Variants in FAM227A observed in about 807,000 individuals in gnomAD.
FAM227A encodes the protein protein FAM227A.
FAM227A carries 80 observed loss-of-function variants against 74.7 expected under a neutral mutation model. The ratio of observed to expected loss-of-function variants is 1.07; its 90% CI spans 0.89 to 1.29. FAM227A has a LOEUF of 1.29. Among genes scored for constraint, FAM227A ranks in the 50% most tolerant of loss-of-function variants. The probability of loss-of-function intolerance (pLI) is 0.00; values close to 1 mark genes in which losing one functional copy is unlikely to be tolerated. For synonymous variants in FAM227A, 237 were observed against 241.8 expected (o/e 0.98, Z 0.19); for missense variants, 654 against 683.4 (o/e 0.96, Z 0.48).
intron 11 of FAM227A, among the ~76,000 whole-genome samples, chr22:38,611,195 T>A (rs921340651): frequency 1.1e-4 from 16 of 152,176 alleles, no homozygotes; most frequent in African/African-American, 3.9e-4. Flanking sequence ...CCCTGTCCCA[T>A]CCCAGCATAG....
At position 38,626,219 on chromosome 22, in the gene FAM227A, T is replaced by G. The variant is rs1569219751; in HGVS notation, c.811A>C (p.Lys271Gln). 1.3e-6 allele frequency: 2 copies of G among 1,551,612 alleles called. No individual in the cohort carries two copies. The highest frequency in any genetic ancestry group is 1.7e-6 in the Non-Finnish European group (2 of 1,146,964). Residue 271 changes from lysine to glutamine, a missense_variant, in exon 9 of 17, where the codon AAG becomes CAG. By Grantham distance (53) the Lys-to-Gln change is moderately conservative. Coordinates refer to ENST00000535113, the MANE Select transcript of FAM227A (RefSeq NM_001013647.2). ...CTCATTGTGTTACAGATGTCAGACT[T>G]GAATTCGTGCGTGTCGAACCAGGAC... ...PQSWFDTHEFKSDICNTMSLW... is the reference protein window; with the variant it reads ...PQSWFDTHEFQSDICNTMSLW...
rs941315094 is a variant in FAM227A, at chr22:38,578,256, G to A, written c.*7869C>T. ...CTAATGCGTTACGCTATGACATTAC[G>A]AAGGCTAAGAGTCGCTAGGTGATAG... On this transcript the variant is annotated 3_prime_UTR_variant, in exon 17 of 17. Transcript: ENST00000535113. The A allele has an allele frequency of 6.6e-6, 1 of 152,040 alleles. No individual in the cohort carries two copies. The highest frequency in any genetic ancestry group is 1.5e-5 in the Non-Finnish European group (1 of 68,032). 9.4% of individuals were successfully genotyped at this position (152,040 alleles called of 1,614,324 possible). A position where few individuals can be genotyped will look rare whatever the true frequency, so the allele number is the denominator to read the frequency against.
At chr22:38,588,418 A>G (rs1483821829) in intron 16 of FAM227A, among the ~76,000 whole-genome samples, 1 of 151,782 alleles carries the variant, frequency 6.6e-6, no homozygotes, top group African/African-American at 2.4e-5. Flanking sequence ...CAGGAGTTCG[A>G]GACCAGCCTG....
At chr22:38,630,713 C>G in intron 6 of FAM227A, among the ~76,000 whole-genome samples, 1 of 152,180 alleles carries the variant, frequency 6.6e-6, no homozygotes, top group East Asian at 1.9e-4. Context: ...TCCAGGTGCT[C>G]AAGATGATGC....
chr22:38,616,565 C>T (rs2091580679), intron 11 of FAM227A, among the ~76,000 whole-genome samples: 1 of 151,828 alleles, frequency 6.6e-6, no homozygotes, highest in Non-Finnish European at 1.5e-5. Context: ...ACTCGGGAGG[C>T]TGAGGCAGAA....
chr22:38,582,165 T>A lies in FAM227A; in HGVS notation c.*3960A>T. 1.6e-6 allele frequency: 1 copy of A among 612,994 alleles called. No homozygotes were observed. The highest frequency in any genetic ancestry group is 2.9e-6 in the Non-Finnish European group (1 of 349,420). 38.0% of individuals were successfully genotyped at this position (612,994 alleles called of 1,614,324 possible). A position where few individuals can be genotyped will look rare whatever the true frequency, so the allele number is the denominator to read the frequency against. ...TTCACCACAATCAAGATAGTAGACA[T>A]ATCTGTCACCCCCAAAAGTTTATTT... is the stretch of plus-strand genomic sequence containing the variant. On this transcript the variant is annotated 3_prime_UTR_variant, in exon 17 of 17. Transcript: ENST00000535113.
chr22:38,583,170 A>ATT lies in FAM227A; in HGVS notation c.*2954_*2955insAA. 2.0e-5 allele frequency: 7 copies of ATT among 357,894 alleles called. No homozygotes were observed. The highest frequency in any genetic ancestry group is 4.6e-5 in the East Asian group (1 of 21,602). 22.2% of individuals were successfully genotyped at this position (357,894 alleles called of 1,614,324 possible). A position where few individuals can be genotyped will look rare whatever the true frequency, so the allele number is the denominator to read the frequency against. On this transcript the variant is annotated 3_prime_UTR_variant, in exon 17 of 17. Transcript: ENST00000535113. ...ACACGTTCTGGTTTCAGAAGACTATACTTTTTTTTTTTTTTTTTTGAGATG... is the reference window on the plus strand; with the variant it reads ...ACACGTTCTGGTTTCAGAAGACTATATTCTTTTTTTTTTTTTTTTTTGAGATG...
chr22:38,595,239 G>A (rs946119936), intron 15 of FAM227A, among the ~76,000 whole-genome samples: 16 of 152,058 alleles, frequency 1.1e-4, no homozygotes, highest in Admixed American at 4.6e-4. Context: ...CCTCTTTCTC[G>A]TTTGTAAACT....
chr22:38,603,653 C>T (rs1412777599), intron 13 of FAM227A, among the ~76,000 whole-genome samples: 1 of 152,096 alleles, frequency 6.6e-6, no homozygotes, highest in African/African-American at 2.4e-5. Context: ...CACATTCGGG[C>T]TGATGCAGTT....
At chr22:38,627,222 CATTTTAA>C (rs2091828316) in intron 8 of FAM227A, among the ~76,000 whole-genome samples, 1 of 151,814 alleles carries the variant, frequency 6.6e-6, no homozygotes, top group Non-Finnish European at 1.5e-5. Flanking sequence ...TGTGTAGTCA[CATTTTAA>C]ATTTTAAAAT....
At chr22:38,604,592 A>C (rs1025562676) in intron 13 of FAM227A, among the ~76,000 whole-genome samples, 2 of 152,222 alleles carry the variant, frequency 1.3e-5, no homozygotes, top group African/African-American at 2.4e-5. Flanking sequence ...TTGAGAGCTC[A>C]GGCTCAGAGC....
chr22:38,644,882 G>A (rs1046309567), intron 3 of FAM227A, among the ~76,000 whole-genome samples: 3 of 151,914 alleles, frequency 2.0e-5, no homozygotes, highest in African/African-American at 7.3e-5. Flanking sequence ...GAGGTGGGGA[G>A]TTTGAGACCA....
In FAM227A at chr22:38,582,969, G is replaced by C; in HGVS notation, c.*3156C>G. On this transcript the variant is annotated 3_prime_UTR_variant, in exon 17 of 17. Transcript: ENST00000535113. ...GTTGGCAGTTAACAAAGAGGAGGGA[G>C]GAGAAGGCATTTTCAGGTCCAGAAG... 1 of 1,549,682 alleles carries C rather than the reference G, an allele frequency of 6.5e-7. No homozygotes were observed.
chr22:38,655,456 G>A (rs923239848), intron 1 of FAM227A, among the ~76,000 whole-genome samples: 2 of 151,350 alleles, frequency 1.3e-5, no homozygotes, highest in African/African-American at 2.4e-5. Flanking sequence ...GCTTGAACCC[G>A]GGAGGCCGAG....
At position 38,623,297 on chromosome 22, in the gene FAM227A, A is replaced by G. The variant is rs1253725028; in HGVS notation, c.851-18T>C. The stretch of plus-strand genomic sequence containing the variant: ...ATAGGTGCCTAAGGGAGGAGTCAAG[A>G]GTGAGAATGGGGCCGGGTGCGGTGG... On this transcript the variant is annotated intron_variant, in intron 9 of 16. Coordinates refer to ENST00000535113, the MANE Select transcript of FAM227A (RefSeq NM_001013647.2). 1.1e-5 allele frequency: 17 copies of G among 1,513,306 alleles called. No individual in the cohort carries two copies. The highest frequency in any genetic ancestry group is 1.8e-6 in the Non-Finnish European group (2 of 1,112,316). The allele number at this position is 1,513,306 out of a possible 1,614,324, so 93.7% of individuals were successfully genotyped here.
intron 12 of FAM227A, among the ~76,000 whole-genome samples, chr22:38,606,855 G>C (rs2091294259): frequency 6.6e-6 from 1 of 152,106 alleles, no homozygotes; most frequent in African/African-American, 2.4e-5. Context: ...ACAGCACTGT[G>C]CTGACCTCAT....
Position 38,582,860 on chromosome 22 carries a change from A to G in FAM227A, c.*3265T>C, listed in dbSNP as rs552884799. The G allele has an allele frequency of 1.3e-4, 197 of 1,550,436 alleles. No individual in the cohort carries two copies. In the African/African-American group the frequency reaches 2.4e-3, roughly 19 times the overall value. On this transcript the variant is annotated 3_prime_UTR_variant, in exon 17 of 17. Coordinates refer to ENST00000535113, the MANE Select transcript of FAM227A (RefSeq NM_001013647.2). ...ATAATGCAGTGGAGCACTTGTGCCT[A>G]CCTTGCTCCTGGTATATTAGGGAAG...
rs1422599783 is a variant in FAM227A at position 38,645,627 on chromosome 22, A to G, written c.161T>C (p.Met54Thr). 3 of 1,551,300 alleles carry G rather than the reference A, an allele frequency of 1.9e-6. No individual in the cohort carries two copies. Among genetic ancestry groups the G allele is most frequent in the East Asian group, 4.9e-5 (2 of 40,892 alleles). Residue 54 changes from methionine to threonine, a missense_variant, in exon 3 of 17, where the codon ATG becomes ACG. By Grantham distance (81) the Met-to-Thr change is moderately conservative (BLOSUM62 -1). Coordinates refer to ENST00000535113, the MANE Select transcript of FAM227A (RefSeq NM_001013647.2). ...AGCAATCTTTTGGTTCACCTGGTGC[A>G]TGGAGCCAATAAGGCATGCTGGGAG... ...NNPPSCLIGS[M>T]HQVNQKIADI...
Position 38,636,550 on chromosome 22 carries a change from G to A in FAM227A, c.420C>T (p.Asn140=), listed in dbSNP as rs1410922922. 3.2e-6 allele frequency: 5 copies of A among 1,551,588 alleles called. No homozygotes were observed. Among genetic ancestry groups the A allele is most frequent in the Non-Finnish European group, 3.5e-6 (4 of 1,146,996 alleles). ...NLLAELYQYS[N]FNSSKPNKLP... ...GCTTGTTTGGCTTGGAGCTGTTGAA[G>A]TTGGAATACTGGTACAGCTCTGCCA... The change falls in exon 6 of 17, where the codon AAC becomes AAT. Residue 140 remains asparagine (N), a synonymous_variant. Transcript: ENST00000535113.
Sources: allele counts gnomAD v4.1 joint callset (sites outside exome capture counted in the v4.1 genomes callset), GRCh38; gene constraint gnomAD v4.1.1; transcripts MANE v1.5; gene names NCBI Gene and HGNC (gene_info 2026-07-23, HGNC 2026-07-21).